The following LGALS12 variants were observed in gnomAD, a reference collection of about 807,000 sequenced individuals.
LGALS12 encodes the protein galectin-12.
LGALS12 carries 36 observed loss-of-function variants against 36.8 expected under a neutral mutation model. The observed-to-expected ratio is 0.98, with a 90% confidence interval of 0.75 to 1.29. The LOEUF is 1.29. LGALS12 is among the 50% of genes most tolerant of loss of function. LGALS12 has a pLI of 0.00. For missense variants in LGALS12, 366 were observed against 394.3 expected, an observed-to-expected ratio of 0.93 and a Z score of 0.61; for synonymous variants, 145 against 155.9, an observed-to-expected ratio of 0.93 and a Z score of 0.52.
At position 63,516,462 on chromosome 11, in the gene LGALS12, C is replaced by T. The variant is rs1324084764; in HGVS notation, c.*69C>T. On this transcript the variant is annotated 3_prime_UTR_variant, in exon 9 of 9. Coordinates refer to ENST00000394618, the MANE Select transcript of LGALS12 (RefSeq NM_033101.4). The stretch of plus-strand genomic sequence containing the variant: ...CCACTCCCAGGGCCCCACTCTCCTC[C>T]CCTCATTAAACCATCCACCTGACAC... The T allele has an allele frequency of 1.9e-6, 3 of 1,571,822 alleles. No individual in the cohort carries two copies. Among genetic ancestry groups the T allele is most frequent in the Non-Finnish European group, 2.6e-6 (3 of 1,148,504 alleles).
In LGALS12 at chr11:63,516,378, C is replaced by T. The variant is rs781100317; in HGVS notation, c.930C>T (p.Tyr310=). 9 of 1,613,996 alleles carry T rather than the reference C, an allele frequency of 5.6e-6. No homozygotes were observed. Among genetic ancestry groups the T allele is most frequent in the Non-Finnish European group, 7.6e-6 (9 of 1,180,020 alleles). ...ELRISGSVQL[Y]CVHS is the part of the protein sequence containing the mutation. ...GGATCAGTGGAAGTGTCCAGCTCTA[C>T]TGTGTCCACTCCTGAGGATGGTTCC... The change falls in exon 9 of 9, where the codon TAC becomes TAT. Residue 310 remains tyrosine (Y), a synonymous_variant. Transcript: ENST00000394618.
Position 63,516,355 on chromosome 11 carries a change from A to C in LGALS12, c.907A>C (p.Ile303Leu). The C allele has an allele frequency of 6.2e-7, 1 of 1,613,926 alleles. No homozygotes were observed. Among genetic ancestry groups the C allele is most frequent in the Non-Finnish European group, 8.5e-7 (1 of 1,179,980 alleles). The change falls in exon 9 of 9, where the codon ATC becomes CTC. Residue 303 changes from isoleucine (I) to leucine (L), a missense_variant. Transcript: ENST00000394618. ...QALEQLRELR[I>L]SGSVQLYCVH... ...CCTGGAGCAGCTGCGGGAGCTCCGG[A>C]TCAGTGGAAGTGTCCAGCTCTACTG...
chr11:63,506,558 C>A (rs754877036), intron 1 of LGALS12, 31 bp downstream of exon 1: 1 of 1,613,680 alleles, frequency 6.2e-7, no homozygotes, highest in Admixed American at 1.7e-5. Context: ...GGAACCTCCT[C>A]GGTCTCTGGG....
Position 63,508,877 on chromosome 11 carries a change from C to T in LGALS12, c.258C>T (p.Ile86=), listed in dbSNP as rs1276155227. The T allele has an allele frequency of 1.2e-6, 2 of 1,614,282 alleles. No individual in the cohort carries two copies. The highest frequency in any genetic ancestry group is 4.5e-5 in the East Asian group (2 of 44,890). ...PRFHTTKPHV[I]CNTLHGGRWQ... ...TCCATACCACCAAGCCCCATGTCAT[C>T]TGCAACACCCTGCATGGTGGACGCT... Residue 86 remains isoleucine, a synonymous_variant, in exon 3 of 9, where the codon ATC becomes ATT. Transcript: ENST00000394618.
chr11:63,514,313 T>C (rs897455421), intron 7 of LGALS12, among the ~76,000 whole-genome samples: 1 of 152,214 alleles, frequency 6.6e-6, no homozygotes, highest in Non-Finnish European at 1.5e-5. Context: ...GGCTCAAGCC[T>C]GTAATCCCAG....
Position 63,514,191 on chromosome 11 carries a change from C to T in LGALS12, c.648-1372C>T, listed in dbSNP as rs144949038. Among the ~76,000 whole-genome samples the T allele has an allele frequency of 2.0e-3, 304 of 152,348 alleles. 3 individuals carry two copies. The highest frequency in any genetic ancestry group is 7.0e-3 in the African/African-American group (292 of 41,584). ...CTGTCCAGGGCGGCCTTTTCCCCTA[C>T]CTTACCTGCCTCTGCATCCCATCAG... On this transcript the variant is annotated intron_variant, in intron 7 of 8. Coordinates refer to ENST00000394618, the MANE Select transcript of LGALS12 (RefSeq NM_033101.4).
At chr11:63,506,688 G>C (rs1164644940) in intron 1 of LGALS12, among the ~76,000 whole-genome samples, 161 bp downstream of exon 1, 10 of 152,222 alleles carry the variant, frequency 6.6e-5, no homozygotes, top group Non-Finnish European at 1.5e-4. Context: ...TAGTAAAGTG[G>C]CTGACTGCTA....
chr11:63,508,572 C>A lies in LGALS12; in HGVS notation c.89C>A (p.Thr30Lys). 6.2e-7 allele frequency: 1 copy of A among 1,614,126 alleles called. No homozygotes were observed. The highest frequency in any genetic ancestry group is 8.5e-7 in the Non-Finnish European group (1 of 1,180,022). ...VFHPVVPYVT[T>K]IFGGLHAGKM... ...GTTCAGGTGGTTCCTTATGTCACGACGATTTTTGGAGGCCTGCATGCAGGC... is the reference window on the plus strand; with the variant it reads ...GTTCAGGTGGTTCCTTATGTCACGAAGATTTTTGGAGGCCTGCATGCAGGC... The change falls in exon 2 of 9, where the codon ACG (threonine) becomes AAG (lysine). Residue 30 changes from threonine to lysine, a missense_variant. Coordinates refer to ENST00000394618, the MANE Select transcript of LGALS12 (RefSeq NM_033101.4).
In LGALS12 at chr11:63,510,447, C is replaced by G. The variant is rs1590646831; in HGVS notation, c.493-16C>G. The G allele has an allele frequency of 1.9e-6, 3 of 1,613,960 alleles. No individual in the cohort carries two copies. Among genetic ancestry groups the G allele is most frequent in the African/African-American group, 2.7e-5 (2 of 75,064 alleles). ...GGTCCTAAATGCTGCTGATTCTTTT[C>G]TCTCTTTCTGAACAGCCATTTGTGG... On this transcript the variant is annotated splice_polypyrimidine_tract_variant and intron_variant, in intron 4 of 8. Coordinates refer to ENST00000394618, the MANE Select transcript of LGALS12 (RefSeq NM_033101.4).
At chr11:63,511,703 C>G in intron 6 of LGALS12, 49 bp from the exon 7 acceptor site, 2 of 1,409,134 alleles carry the variant, frequency 1.4e-6, no homozygotes, top group Non-Finnish European at 2.0e-6. Flanking sequence ...GGCGGTCCTC[C>G]CCAGTCCCCC....
chr11:63,512,557 G>A (rs375330628), intron 7 of LGALS12, among the ~76,000 whole-genome samples: 76 of 152,250 alleles, frequency 5.0e-4, no homozygotes, highest in East Asian at 1.5e-3. Flanking sequence ...TTGGGAGGCC[G>A]AGGCGGGTGG....
chr11:63,511,316 G>A (rs763710500), intron 6 of LGALS12, among the ~76,000 whole-genome samples: 1 of 152,126 alleles, frequency 6.6e-6, no homozygotes, highest in Non-Finnish European at 1.5e-5. Flanking sequence ...GGGTGGGCTG[G>A]GCAGCTTCAG....
At position 63,506,358 on chromosome 11, in the gene LGALS12, G is replaced by C. The variant is rs369472554; in HGVS notation, c.-101G>C. On this transcript the variant is annotated 5_prime_UTR_variant, in exon 1 of 9. Transcript: ENST00000394618. ...GCAGGTGAGACTAACAGCTGGGAGA[G>C]CTGCTCCAGGCATTTAGGACCCTGA... The C allele has an allele frequency of 6.8e-6, 11 of 1,613,416 alleles. No individual in the cohort carries two copies. Among genetic ancestry groups the C allele is most frequent in the South Asian group, 1.1e-5 (1 of 91,034 alleles).
At chr11:63,516,172 C>T (rs2017075973) in intron 8 of LGALS12, 75 bp from the exon 9 acceptor site, 1 of 1,500,358 alleles carries the variant, frequency 6.7e-7, no homozygotes, top group African/African-American at 1.4e-5. Flanking sequence ...AGGAGGGTCT[C>T]ACTGGAGAGA....
At chr11:63,507,612 C>A (rs1256612525) in intron 1 of LGALS12, among the ~76,000 whole-genome samples, 3 of 131,360 alleles carry the variant, frequency 2.3e-5, no homozygotes, top group Non-Finnish European at 3.3e-5. Context: ...TCCAAGGAAC[C>A]CAAGTGGATG....
intron 7 of LGALS12, among the ~76,000 whole-genome samples, chr11:63,513,348 C>CATGA (rs1336348287): frequency 5.3e-5 from 8 of 152,118 alleles, no homozygotes; most frequent in African/African-American, 1.9e-4. Flanking sequence ...TCCCAAGGGC[C>CATGA]ATGAATGCAT....
intron 8 of LGALS12, among the ~76,000 whole-genome samples, chr11:63,515,924 G>A (rs2017067954): frequency 7.9e-6 from 1 of 126,458 alleles, no homozygotes; most frequent in South Asian, 2.4e-4. Context: ...AATTGATGCA[G>A]GTGGGGGGGG....
In LGALS12 at chr11:63,508,923, C is replaced by G. The variant is rs1464756319; in HGVS notation, c.304C>G (p.Pro102Ala). ...GGRWQREARW[P>A]HLALRRGSSF... is the part of the protein sequence containing the mutation. Reference sequence around the variant, plus strand: ...ACGCTGGCAAAGGGAGGCCCGGTGGCCCCACCTGGCCCTGCGAAGAGGCTC... The same window carrying G: ...ACGCTGGCAAAGGGAGGCCCGGTGGGCCCACCTGGCCCTGCGAAGAGGCTC... The change falls in exon 3 of 9, where the codon CCC (proline) becomes GCC (alanine). Residue 102 changes from proline (P) to alanine (A), a missense_variant. Transcript: ENST00000394618. 2.5e-6 allele frequency: 4 copies of G among 1,614,036 alleles called. No homozygotes were observed. Among genetic ancestry groups the G allele is most frequent in the African/African-American group, 2.7e-5 (2 of 74,942 alleles).
At chr11:63,516,204 GT>G in intron 8 of LGALS12, 42 bp from the exon 9 acceptor site, 1 of 1,525,768 alleles carries the variant, frequency 6.6e-7, no homozygotes, top group Non-Finnish European at 8.7e-7. Flanking sequence ...ACAAGGGAAA[GT>G]CTGGCTGGAA....
Sources: allele counts gnomAD v4.1 joint callset (sites outside exome capture counted in the v4.1 genomes callset), GRCh38; gene constraint gnomAD v4.1.1; transcripts MANE v1.5; gene names NCBI Gene and HGNC (gene_info 2026-07-23, HGNC 2026-07-21).